Variants in UCHL3 observed in about 807,000 individuals in gnomAD.
UCHL3 encodes the protein ubiquitin carboxyl-terminal hydrolase isozyme L3.
Under a neutral mutation model 35.8 loss-of-function variants are expected in UCHL3, and 22 were observed. That is an observed-to-expected ratio of 0.61 (90% CI 0.44 to 0.88). The LOEUF is 0.88. Among genes scored for constraint, UCHL3 ranks in the 40% least tolerant of loss-of-function variants. The pLI, the probability that UCHL3 is intolerant of heterozygous loss-of-function variation, is 0.00. For missense variants in UCHL3, 229 were observed against 276.9 expected (o/e 0.83, Z 1.23); for synonymous variants, 90 against 92.8 (o/e 0.97, Z 0.17).
At chr13:75,597,606 T>G (rs1036784208) in intron 7 of UCHL3, among the ~76,000 whole-genome samples, 2 of 152,190 alleles carry the variant, frequency 1.3e-5, no homozygotes, top group African/African-American at 2.4e-5. Flanking sequence ...TGATTTAAAG[T>G]ATTTGGAATT....
chr13:75,564,771 C>T (rs965425346), intron 3 of UCHL3, among the ~76,000 whole-genome samples: 1 of 152,176 alleles, frequency 6.6e-6, no homozygotes, highest in Non-Finnish European at 1.5e-5. Flanking sequence ...TCTCAGCTCA[C>T]TGCAACCTTT....
intron 2 of UCHL3, 24 bp from the exon 3 acceptor site, chr13:75,560,729 T>C (rs1401586812): frequency 6.3e-7 from 1 of 1,581,560 alleles, no homozygotes; most frequent in East Asian, 2.2e-5. Flanking sequence ...CCATTGTTTT[T>C]TTTTTCTTTC....
chr13:75,594,627 TGTGCTAA>T (rs1219486460), intron 6 of UCHL3, among the ~76,000 whole-genome samples: 3 of 152,246 alleles, frequency 2.0e-5, no homozygotes, highest in Admixed American at 6.5e-5. Context: ...TACCAGGCAT[TGTGCTAA>T]GTGCTGAGGC....
At chr13:75,572,613 G>A (rs571139669) in intron 6 of UCHL3, among the ~76,000 whole-genome samples, 1 of 152,192 alleles carries the variant, frequency 6.6e-6, no homozygotes, top group Non-Finnish European at 1.5e-5. Flanking sequence ...CAACATATGT[G>A]TATTAATTAA....
chr13:75,572,653 G>C (rs1187868235), intron 6 of UCHL3, among the ~76,000 whole-genome samples: 1 of 152,174 alleles, frequency 6.6e-6, no homozygotes, highest in Non-Finnish European at 1.5e-5. Flanking sequence ...GTCCTTGGTA[G>C]TGTAAGAAAT....
chr13:75,569,829 A>G (rs1254223965), intron 6 of UCHL3, among the ~76,000 whole-genome samples: 5 of 152,184 alleles, frequency 3.3e-5, no homozygotes, highest in Non-Finnish European at 5.9e-5. Context: ...AACTATTTTG[A>G]GAAAAATACC....
chr13:75,597,697 T>C (rs1314519359), intron 7 of UCHL3, among the ~76,000 whole-genome samples: 1 of 152,212 alleles, frequency 6.6e-6, no homozygotes, highest in Non-Finnish European at 1.5e-5. Flanking sequence ...TGGTATGAGA[T>C]GGGGCCGGTG....
At chr13:75,594,798 TA>T (rs2032600698) in intron 6 of UCHL3, 116 bp from the exon 7 acceptor site, 3 of 781,960 alleles carry the variant, frequency 3.8e-6, no homozygotes, top group Non-Finnish European at 6.1e-6. Flanking sequence ...AGCCTTGAAT[TA>T]TATTGGATAA....
At chr13:75,559,632 T>A (rs1333372853) in intron 2 of UCHL3, among the ~76,000 whole-genome samples, 5 of 152,204 alleles carry the variant, frequency 3.3e-5, no homozygotes, top group Non-Finnish European at 5.9e-5. Flanking sequence ...CCACTGGTTT[T>A]GCAAGACCTC....
chr13:75,588,599 C>T (rs778944386), intron 6 of UCHL3, among the ~76,000 whole-genome samples: 5 of 151,928 alleles, frequency 3.3e-5, no homozygotes, highest in Non-Finnish European at 5.9e-5. Context: ...TTTTTAACCC[C>T]GCATCAAAAT....
chr13:75,558,585 T>C (rs891973736), intron 2 of UCHL3, among the ~76,000 whole-genome samples: 5 of 152,214 alleles, frequency 3.3e-5, no homozygotes, highest in African/African-American at 1.2e-4. Flanking sequence ...GCAATTTAGG[T>C]AGTCTTCTGA....
At chr13:75,597,473 C>T (rs979288487) in intron 7 of UCHL3, among the ~76,000 whole-genome samples, 3 of 152,100 alleles carry the variant, frequency 2.0e-5, no homozygotes, top group Middle Eastern at 3.4e-3. Flanking sequence ...ATTCAACCAA[C>T]TGTGGATTGA....
chr13:75,593,557 C>T (rs2032567509), intron 6 of UCHL3, among the ~76,000 whole-genome samples: 1 of 152,154 alleles, frequency 6.6e-6, no homozygotes, highest in Non-Finnish European at 1.5e-5. Flanking sequence ...GAGCCTCTGG[C>T]ATTAGAGGGG....
intron 2 of UCHL3, 84 bp from the exon 3 acceptor site, chr13:75,560,669 C>T: frequency 7.8e-7 from 1 of 1,283,558 alleles, no homozygotes; most frequent in Non-Finnish European, 1.0e-6. Context: ...TGATCATTTC[C>T]CTTTTAACAC....
intron 6 of UCHL3, 146 bp downstream of exon 6, chr13:75,569,653 T>C: frequency 1.4e-6 from 1 of 718,610 alleles, no homozygotes; most frequent in South Asian, 2.4e-5. Context: ...AGAATTTGCT[T>C]AAGCAAAAGC....
At chr13:75,599,643 A>T (rs1334806669) in intron 7 of UCHL3, among the ~76,000 whole-genome samples, 1 of 152,174 alleles carries the variant, frequency 6.6e-6, no homozygotes, top group African/African-American at 2.4e-5. Flanking sequence ...AACTATACCC[A>T]TATATGCTGG....
In UCHL3 at chr13:75,603,142, A is replaced by G. The variant is rs112498729; in HGVS notation, c.551-1627A>G. On this transcript the variant is annotated intron_variant, in intron 7 of 8. Coordinates refer to ENST00000377595, the MANE Select transcript of UCHL3 (RefSeq NM_006002.5). ...ACAGCTGGGACTACAGACTTGTGCC[A>G]CTATACCTGGCTAATTTATTAATTC... Among the ~76,000 whole-genome samples, 178 of 152,236 alleles carry G rather than the reference A, an allele frequency of 1.2e-3. 2 individuals carry two copies. Among genetic ancestry groups the G allele is most frequent in the African/African-American group, 4.0e-3 (166 of 41,546 alleles).
chr13:75,592,460 A>ATG (rs1366080634), intron 6 of UCHL3, among the ~76,000 whole-genome samples: 54 of 110,234 alleles, frequency 4.9e-4, no homozygotes, highest in East Asian at 8.1e-4. Flanking sequence ...ATATATATAT[A>ATG]TATATATGAA....
At chr13:75,597,352 ATGGCAAGACGTCATC>A (rs2032669015) in intron 7 of UCHL3, among the ~76,000 whole-genome samples, 1 of 151,280 alleles carries the variant, frequency 6.6e-6, no homozygotes, top group African/African-American at 2.4e-5. Flanking sequence ...CCTGGGTGAC[ATGGCAAGACGTCATC>A]TCTTAAAAAA....
Sources: allele counts gnomAD v4.1 joint callset (sites outside exome capture counted in the v4.1 genomes callset), GRCh38; gene constraint gnomAD v4.1.1; transcripts MANE v1.5; gene names NCBI Gene and HGNC (gene_info 2026-07-23, HGNC 2026-07-21).